The following GABRB1 variants were observed in gnomAD, a reference collection of about 807,000 sequenced individuals.
GABRB1 encodes gamma-aminobutyric acid type A receptor subunit beta1.
In GABRB1, 17 loss-of-function variants were observed where a neutral mutation model predicts 51.6. The observed-to-expected ratio is 0.33, with a 90% CI of 0.23 to 0.49. The LOEUF (loss-of-function observed/expected upper bound fraction) is 0.49. GABRB1 is among the 20% of genes least tolerant of loss of function. GABRB1 has a pLI of 0.99. For synonymous variants in GABRB1, 247 were observed against 218.9 expected, an observed-to-expected ratio of 1.13 and a Z score of -1.14; for missense variants, 410 against 600.6, an observed-to-expected ratio of 0.68 and a Z score of 3.32.
intron 4 of GABRB1, among the ~76,000 whole-genome samples, chr4:47,195,442 AGAT>A (rs370773977): frequency 0.48 from 54,870 of 114,790 alleles, 11,434 homozygotes; most frequent in Middle Eastern, 0.53. Context: ...ATAGATAGAT[AGAT>A]GATAGATAGA....
intron 4 of GABRB1, among the ~76,000 whole-genome samples, chr4:47,217,896 G>A (rs1720616924): frequency 6.6e-6 from 1 of 151,582 alleles, no homozygotes; most frequent in Non-Finnish European, 1.5e-5. Context: ...CTTAACTGTA[G>A]TCACTCCACT....
chr4:47,359,470 T>C (rs1726717769), intron 5 of GABRB1, among the ~76,000 whole-genome samples: 1 of 152,080 alleles, frequency 6.6e-6, no homozygotes, highest in Admixed American at 6.6e-5. Context: ...GACCTAAAAG[T>C]TAAATCAGCT....
upstream of GABRB1, among the ~76,000 whole-genome samples, chr4:47,030,309 G>GT (rs1324912354): frequency 1.3e-5 from 2 of 151,900 alleles, no homozygotes; most frequent in African/African-American, 2.4e-5. Context: ...TTTCTATTAC[G>GT]TTTTTTTGTT....
chr4:47,015,746 T>C (rs960529550), intron 1 of GABRB1, among the ~76,000 whole-genome samples: 11 of 152,276 alleles, frequency 7.2e-5, no homozygotes, highest in Non-Finnish European at 1.3e-4. Flanking sequence ...ATGTTTACTA[T>C]CTGTGATCAA....
At chr4:47,407,608 C>T (rs1313922289) in intron 8 of GABRB1, among the ~76,000 whole-genome samples, 1 of 152,148 alleles carries the variant, frequency 6.6e-6, no homozygotes, top group Non-Finnish European at 1.5e-5. Context: ...TAAGTACATT[C>T]AAATGTGTAT....
intron 1 of GABRB1, among the ~76,000 whole-genome samples, chr4:47,002,940 A>C (rs539437489): frequency 6.6e-6 from 1 of 152,248 alleles, no homozygotes; most frequent in African/African-American, 2.4e-5. Flanking sequence ...GATAAATATC[A>C]GAGAAGGATT....
chr4:47,284,777 A>G (rs191202187), intron 4 of GABRB1, among the ~76,000 whole-genome samples: 48 of 152,330 alleles, frequency 3.2e-4, no homozygotes, highest in African/African-American at 8.4e-4. Context: ...CAAGCACAAA[A>G]CAAACAGTTT....
chr4:47,056,204 C>T (rs1033782943), intron 3 of GABRB1, among the ~76,000 whole-genome samples: 1 of 152,188 alleles, frequency 6.6e-6, no homozygotes, highest in Admixed American at 6.5e-5. Flanking sequence ...AGAATAAGAG[C>T]AAAAACTGTC....
At chr4:47,111,716 T>C (rs1023758505) in intron 3 of GABRB1, among the ~76,000 whole-genome samples, 5 of 151,746 alleles carry the variant, frequency 3.3e-5, no homozygotes, top group East Asian at 3.9e-4. Context: ...AATACAACAA[T>C]TAGCTGGGCA....
At chr4:47,256,348 G>A (rs1423021560) in intron 4 of GABRB1, among the ~76,000 whole-genome samples, 1 of 152,124 alleles carries the variant, frequency 6.6e-6, no homozygotes, top group Admixed American at 6.5e-5. Context: ...AGAATTTAAT[G>A]GGTTTCACCC....
At chr4:47,371,085 T>TCCCCCCCCC (rs59604624) in intron 5 of GABRB1, among the ~76,000 whole-genome samples, 8 of 129,614 alleles carry the variant, frequency 6.2e-5, no homozygotes, top group South Asian at 2.8e-4. Context: ...ATGCTCTCCC[T>TCCCCCCCCC]CCCCCACCCC....
chr4:47,191,304 C>T (rs1028473853), intron 4 of GABRB1, among the ~76,000 whole-genome samples: 5 of 152,116 alleles, frequency 3.3e-5, no homozygotes, highest in Admixed American at 2.6e-4. Flanking sequence ...TTTCAAAAAT[C>T]ACATGGCAGT....
chr4:47,181,727 G>C (rs954835458), intron 4 of GABRB1, among the ~76,000 whole-genome samples: 7 of 152,002 alleles, frequency 4.6e-5, no homozygotes, highest in African/African-American at 1.4e-4. Context: ...GTAATGATTA[G>C]CATTCTGATT....
chr4:47,418,799 T>A (rs946247884), intron 8 of GABRB1, among the ~76,000 whole-genome samples: 2 of 152,158 alleles, frequency 1.3e-5, no homozygotes, highest in Non-Finnish European at 2.9e-5. Context: ...AGAGAGAGGA[T>A]CAAGAGTTCT....
At chr4:47,360,360 T>G (rs1049055821) in intron 5 of GABRB1, among the ~76,000 whole-genome samples, 3 of 151,252 alleles carry the variant, frequency 2.0e-5, no homozygotes, top group African/African-American at 7.3e-5. Flanking sequence ...AACTCAGAGT[T>G]TTTTTTTTCT....
intron 5 of GABRB1, among the ~76,000 whole-genome samples, chr4:47,323,453 T>A (rs1448720642): frequency 6.9e-6 from 1 of 145,718 alleles, no homozygotes. Context: ...TAATAAATAC[T>A]GAATAGATTA....
At chr4:47,129,678 A>G (rs901259410) in intron 3 of GABRB1, among the ~76,000 whole-genome samples, 5 of 152,176 alleles carry the variant, frequency 3.3e-5, no homozygotes, top group African/African-American at 9.6e-5. Context: ...GGATTTTAGA[A>G]ATCAGTGAAG....
At chr4:47,135,484 G>A (rs960586645) in intron 3 of GABRB1, among the ~76,000 whole-genome samples, 29 of 152,098 alleles carry the variant, frequency 1.9e-4, no homozygotes, top group Admixed American at 1.7e-3. Flanking sequence ...AAGAAGAGAC[G>A]CCACTGAGAC....
chr4:47,288,743 G>C (rs1282872186), intron 4 of GABRB1, among the ~76,000 whole-genome samples: 1 of 152,040 alleles, frequency 6.6e-6, no homozygotes, highest in African/African-American at 2.4e-5. Context: ...TGCTTTATAG[G>C]TGTTATTTTA....
Sources: gnomAD v4.1 joint callset for allele counts (sites outside exome capture counted in the v4.1 genomes callset) on GRCh38, gnomAD v4.1.1 for gene constraint, MANE v1.5 for transcripts, NCBI Gene and HGNC (gene_info 2026-07-23, HGNC 2026-07-21) for gene names.